The following BAZ1B variants were observed in gnomAD, a reference collection of about 807,000 sequenced individuals.
The protein encoded by BAZ1B is tyrosine-protein kinase BAZ1B.
BAZ1B carries 22 observed loss-of-function variants against 153.8 expected under a neutral mutation model. The observed-to-expected ratio is 0.14, with a 90% CI of 0.10 to 0.20. BAZ1B has a LOEUF of 0.20. Among genes scored for constraint, BAZ1B ranks in the 10% least tolerant of loss-of-function variants. The pLI is 1.00. For synonymous variants in BAZ1B, 676 were observed against 633.4 expected (o/e 1.07, Z -1.01); for missense variants, 1,325 against 1,799.3 (o/e 0.74, Z 4.77).
intron 6 of BAZ1B, among the ~76,000 whole-genome samples, chr7:73,488,026 AT>A (rs1231150826): frequency 2.6e-5 from 4 of 152,220 alleles, no homozygotes; most frequent in Non-Finnish European, 4.4e-5. Context: ...AATTGAACAA[AT>A]TTAGTTGTTA....
chr7:73,495,576 C>T (rs868907567), intron 4 of BAZ1B, among the ~76,000 whole-genome samples: 1 of 152,240 alleles, frequency 6.6e-6, no homozygotes, highest in Middle Eastern at 3.4e-3. Context: ...GAGTGACCAA[C>T]AGTATTAAAT....
Position 73,522,035 on chromosome 7 carries a change from TG to T in BAZ1B, c.-103del. 1 of 491,456 alleles carries T rather than the reference TG, an allele frequency of 2.0e-6. No individual in the cohort carries two copies. Among genetic ancestry groups the T allele is most frequent in the Non-Finnish European group, 3.0e-6 (1 of 336,060 alleles). 30.4% of individuals were successfully genotyped at this position (491,456 alleles called of 1,614,324 possible). A position where few individuals can be genotyped will look rare whatever the true frequency, so the allele number is the denominator to read the frequency against. On this transcript the variant is annotated 5_prime_UTR_variant, in exon 1 of 20. Transcript: ENST00000339594. Reference sequence around the variant, plus strand: ...GAGCGCCAGGCGCCCGGGGGTGGGGTGGGGGAAGGGAGGGGTGAGAGGGCGG... The same window carrying T: ...GAGCGCCAGGCGCCCGGGGGTGGGGTGGGGAAGGGAGGGGTGAGAGGGCGG...
intron 1 of BAZ1B, among the ~76,000 whole-genome samples, chr7:73,515,920 G>A (rs368378798): frequency 3.3e-5 from 5 of 152,194 alleles, no homozygotes; most frequent in Admixed American, 1.3e-4. Flanking sequence ...AGAGGGGAAC[G>A]GATCACTTGA....
Position 73,461,462 on chromosome 7 carries a change from G to A in BAZ1B, c.3249+1460C>T, listed in dbSNP as rs181331986. ...TCAGCAAGATATAGGCCTGAATTTG[G>A]CACAAAGTAGGCAATTAATGAACAT... On this transcript the variant is annotated intron_variant, in intron 12 of 19. Coordinates refer to ENST00000339594, the MANE Select transcript of BAZ1B (RefSeq NM_032408.4). Among the ~76,000 whole-genome samples the A allele has an allele frequency of 9.9e-5, 15 of 152,162 alleles. No individual in the cohort carries two copies. In the East Asian group the frequency reaches 2.5e-3, roughly 25 times the overall value.
intron 13 of BAZ1B, among the ~76,000 whole-genome samples, chr7:73,452,777 T>C (rs1185752181): frequency 6.7e-6 from 1 of 149,944 alleles, no homozygotes; most frequent in African/African-American, 2.5e-5. Context: ...CGACTTATGA[T>C]AGGGTTAAAC....
intron 1 of BAZ1B, among the ~76,000 whole-genome samples, chr7:73,521,449 A>G (rs1791037539): frequency 6.6e-6 from 1 of 152,206 alleles, no homozygotes; most frequent in African/African-American, 2.4e-5. Flanking sequence ...TTTTGTAAAA[A>G]TTAAAGGAGA....
At chr7:73,482,187 C>A (rs1295473424) in intron 6 of BAZ1B, among the ~76,000 whole-genome samples, 2 of 152,198 alleles carry the variant, frequency 1.3e-5, no homozygotes, top group African/African-American at 4.8e-5. Context: ...TCCCTAGATG[C>A]AGAATTTCCT....
At chr7:73,507,207 T>C (rs532048740) in intron 3 of BAZ1B, 2 of 152,242 alleles carry the variant, frequency 1.3e-5, no homozygotes, top group African/African-American at 4.8e-5. Flanking sequence ...GTAACAATTA[T>C]GTGCTCACTT....
At chr7:73,489,478 A>C in intron 5 of BAZ1B, 87 bp from the exon 6 acceptor site, 1 of 1,396,084 alleles carries the variant, frequency 7.2e-7, no homozygotes, top group Admixed American at 1.9e-5. Context: ...CTCTCCAGAA[A>C]AATCAAAATT....
In BAZ1B at chr7:73,478,096, C is replaced by A. The variant is rs782191320; in HGVS notation, c.1365G>T (p.Arg455=). 91 of 1,614,218 alleles carry A rather than the reference C, an allele frequency of 5.6e-5. No individual in the cohort carries two copies. The East Asian group carries it at 2.0e-3, about 35-fold the overall frequency. Residue 455 remains arginine, a synonymous_variant, in exon 7 of 20, where the codon CGG becomes CGT. Coordinates refer to ENST00000339594, the MANE Select transcript of BAZ1B (RefSeq NM_032408.4). ...AGGTCCTAGGTGTACCCCCAGAATT[C>A]CGTGGGGCTCGTGTCATCTTCTGCG... is the stretch of plus-strand genomic sequence containing the variant. ...KGTQKMTRAP[R]NSGGTPRTSS... is the part of the protein sequence containing the mutation.
At chr7:73,468,614 G>A (rs1403930513) in intron 9 of BAZ1B, among the ~76,000 whole-genome samples, 5 of 151,884 alleles carry the variant, frequency 3.3e-5, no homozygotes, top group African/African-American at 1.2e-4. Context: ...TTTACAAACT[G>A]AACACATATA....
intron 16 of BAZ1B, 106 bp from the exon 17 acceptor site, chr7:73,444,235 G>C: frequency 7.6e-7 from 1 of 1,313,808 alleles, no homozygotes; most frequent in Non-Finnish European, 1.0e-6. Flanking sequence ...CCTGGACAAG[G>C]AAAGCAGTGG....
rs1554573083 is a variant in BAZ1B at position 73,477,787 on chromosome 7, C to T, written c.1674G>A (p.Leu558=). 4 of 1,614,070 alleles carry T rather than the reference C, an allele frequency of 2.5e-6. No individual in the cohort carries two copies. In the African/African-American group the frequency reaches 5.3e-5, roughly 22 times the overall value. The change falls in exon 7 of 20, where the codon TTG becomes TTA. Residue 558 remains leucine (L), a synonymous_variant. Coordinates refer to ENST00000339594, the MANE Select transcript of BAZ1B (RefSeq NM_032408.4). The surrounding 1 kb of genome is among the most constrained non-coding windows in gnomAD (Gnocchi z 5.6). ...KKKREELKKK[L]KEKAKERREK... ...CTCTTCGTTCTTTGGCTTTTTCCTT[C>T]AACTTCTTTTTCAGCTCCTCCCGTT...
chr7:73,510,201 G>A (rs576305326), intron 2 of BAZ1B, among the ~76,000 whole-genome samples: 286 of 152,104 alleles, frequency 1.9e-3, no homozygotes, highest in African/African-American at 6.5e-3. Context: ...AGGCCAAGGC[G>A]GGAGGATCAC....
At position 73,447,384 on chromosome 7, in the gene BAZ1B, G is replaced by A; in HGVS notation, c.3729-5C>T. 3 of 1,606,700 alleles carry A rather than the reference G, an allele frequency of 1.9e-6. No individual in the cohort carries two copies. Among genetic ancestry groups the A allele is most frequent in the Non-Finnish European group, 2.6e-6 (3 of 1,176,292 alleles). On this transcript the variant is annotated splice_polypyrimidine_tract_variant and splice_region_variant and intron_variant, in intron 15 of 19. Coordinates refer to ENST00000339594, the MANE Select transcript of BAZ1B (RefSeq NM_032408.4). Reference sequence around the variant, plus strand: ...GCAGACTCTTCAGTATAGTTCCTGTGGGTAGAAAAAATAATGTAGGGAACA... The same window carrying A: ...GCAGACTCTTCAGTATAGTTCCTGTAGGTAGAAAAAATAATGTAGGGAACA...
intron 1 of BAZ1B, among the ~76,000 whole-genome samples, chr7:73,517,765 A>C (rs1054038047): frequency 3.9e-5 from 6 of 152,188 alleles, no homozygotes; most frequent in Non-Finnish European, 7.3e-5. Context: ...AAGATAAGAT[A>C]TTTTCGAATC....
intron 3 of BAZ1B, among the ~76,000 whole-genome samples, chr7:73,501,032 G>A (rs576504917): frequency 5.9e-5 from 9 of 152,170 alleles, no homozygotes; most frequent in South Asian, 4.1e-4. Context: ...CCAGGCAGGC[G>A]GATCACCTGA....
intron 1 of BAZ1B, among the ~76,000 whole-genome samples, chr7:73,521,022 C>T (rs1791014670): frequency 6.6e-6 from 1 of 152,146 alleles, no homozygotes; most frequent in Non-Finnish European, 1.5e-5. Context: ...AAATCTTAGT[C>T]ATGACGAGAG....
At chr7:73,497,065 C>CAAAAAAAAGAAAAAAA (rs1789933994) in intron 4 of BAZ1B, among the ~76,000 whole-genome samples, 1 of 49,528 alleles carries the variant, frequency 2.0e-5, no homozygotes, top group Non-Finnish European at 3.8e-5. Flanking sequence ...CTGACCTCTA[C>CAAAAAAAAGAAAAAAA]AAAAAAAAAA....
Sources: allele counts gnomAD v4.1 joint callset (sites outside exome capture counted in the v4.1 genomes callset), GRCh38; gene constraint gnomAD v4.1.1; non-coding constraint Gnocchi (gnomAD v3.1); transcripts MANE v1.5; gene names NCBI Gene and HGNC (gene_info 2026-07-23, HGNC 2026-07-21).